The following ASIC2 variants were observed in gnomAD, a reference collection of about 807,000 sequenced individuals.
ASIC2 encodes the protein acid sensing ion channel subunit 2, also known as acid-sensing ion channel 2.
Under a neutral mutation model 57.3 loss-of-function variants are expected in ASIC2, and 25 were observed. That is an observed-to-expected ratio of 0.44 (90% confidence interval 0.32 to 0.61). ASIC2 has a LOEUF of 0.61. ASIC2 is among the 20% of genes least tolerant of loss of function. ASIC2 has a pLI of 0.06. For missense variants in ASIC2, 641 were observed against 738.1 expected (o/e 0.87, Z 1.52); for synonymous variants, 319 against 307.5 (o/e 1.04, Z -0.39).
chr17:33,910,529 T>C (rs1300889402), intron 1 of ASIC2, among the ~76,000 whole-genome samples: 1 of 152,228 alleles, frequency 6.6e-6, no homozygotes, highest in Non-Finnish European at 1.5e-5. Flanking sequence ...TTGGCTCTTC[T>C]TCCTCATCCC....
chr17:33,843,717 G>A (rs1171664925), intron 1 of ASIC2, among the ~76,000 whole-genome samples: 2 of 152,194 alleles, frequency 1.3e-5, no homozygotes, highest in Non-Finnish European at 2.9e-5. Context: ...AGCTTGAAAA[G>A]AGAGTAGTTG....
intron 1 of ASIC2, chr17:34,039,005 T>C (rs1036938789): frequency 1.7e-5 from 27 of 1,614,094 alleles, no homozygotes; most frequent in Non-Finnish European, 2.3e-5. Flanking sequence ...CGGTCTTGCA[T>C]GCTCTTATCT....
intron 1 of ASIC2, among the ~76,000 whole-genome samples, chr17:34,094,369 C>T (rs965263273): frequency 5.9e-5 from 9 of 152,228 alleles, no homozygotes; most frequent in Non-Finnish European, 1.0e-4. Context: ...TGAATCAGAA[C>T]ATCAACTCAG....
At chr17:33,083,035 G>A (rs2092119562) in intron 3 of ASIC2, among the ~76,000 whole-genome samples, 1 of 152,162 alleles carries the variant, frequency 6.6e-6, no homozygotes, top group South Asian at 2.1e-4. Context: ...ATCCATCACA[G>A]CCCAGCTTCA....
chr17:34,084,855 A>G (rs1910040736), intron 1 of ASIC2, among the ~76,000 whole-genome samples: 1 of 152,182 alleles, frequency 6.6e-6, no homozygotes, highest in South Asian at 2.1e-4. Flanking sequence ...TTATTGGTGT[A>G]TAAGAATGCT....
At chr17:33,672,195 C>G (rs980930390) in intron 1 of ASIC2, among the ~76,000 whole-genome samples, 2 of 152,128 alleles carry the variant, frequency 1.3e-5, no homozygotes, top group African/African-American at 4.8e-5. Flanking sequence ...GCCACTGGGA[C>G]AATTACAGAC....
At chr17:33,077,413 G>A (rs956077215) in intron 3 of ASIC2, among the ~76,000 whole-genome samples, 13 of 152,156 alleles carry the variant, frequency 8.5e-5, no homozygotes, top group African/African-American at 3.1e-4. Flanking sequence ...GCTAGCTGCT[G>A]CAGAACCCTT....
chr17:33,052,325 G>A (rs372844563), intron 3 of ASIC2: 1 of 152,182 alleles, frequency 6.6e-6, no homozygotes, highest in African/African-American at 2.4e-5. Context: ...AATTTATCCT[G>A]CTATCCCTTT....
intron 1 of ASIC2, among the ~76,000 whole-genome samples, chr17:34,058,674 A>C (rs933910314): frequency 7.0e-6 from 1 of 142,378 alleles, no homozygotes; most frequent in Non-Finnish European, 1.5e-5. Flanking sequence ...TTCCTCCTAC[A>C]TATTTAGGGA....
intron 1 of ASIC2, among the ~76,000 whole-genome samples, chr17:33,426,310 C>T (rs747995657): frequency 1.2e-4 from 19 of 152,132 alleles, no homozygotes; most frequent in Admixed American, 6.5e-4. Flanking sequence ...GGAACTCATA[C>T]GACCATTTTA....
At chr17:33,922,014 C>A (rs1915718562) in intron 1 of ASIC2, among the ~76,000 whole-genome samples, 1 of 152,182 alleles carries the variant, frequency 6.6e-6, no homozygotes, top group South Asian at 2.1e-4. Context: ...CATTCTCAGG[C>A]ATGCACCCCT....
intron 1 of ASIC2, among the ~76,000 whole-genome samples, chr17:33,186,232 T>A (rs957318632): frequency 2.0e-5 from 3 of 152,132 alleles, no homozygotes; most frequent in Non-Finnish European, 4.4e-5. Flanking sequence ...TGCCTCAGAC[T>A]CTCGAGTAGC....
intron 1 of ASIC2, among the ~76,000 whole-genome samples, chr17:33,148,479 T>A (rs3930348): frequency 1.4e-4 from 22 of 152,120 alleles, no homozygotes; most frequent in African/African-American, 4.8e-4. Flanking sequence ...TATCAATGCA[T>A]CATTTCCAAA....
intron 1 of ASIC2, among the ~76,000 whole-genome samples, chr17:33,362,578 T>C (rs1458966815): frequency 6.6e-6 from 1 of 152,048 alleles, no homozygotes; most frequent in Admixed American, 6.5e-5. Flanking sequence ...AACTGGGGAG[T>C]GTCAGTGCCT....
intron 1 of ASIC2, among the ~76,000 whole-genome samples, chr17:33,536,947 G>A (rs536529325): frequency 2.0e-5 from 3 of 152,130 alleles, no homozygotes; most frequent in Admixed American, 1.3e-4. Context: ...GGGATATTGA[G>A]GCTACAATGA....
intron 1 of ASIC2, among the ~76,000 whole-genome samples, chr17:34,011,629 C>T (rs1597973116): frequency 1.3e-5 from 2 of 152,324 alleles, no homozygotes; most frequent in South Asian, 2.1e-4. Context: ...ATGGCCTCCG[C>T]CTCCACTCCT....
At chr17:33,399,665 C>A (rs1304329270) in intron 1 of ASIC2, among the ~76,000 whole-genome samples, 1 of 152,172 alleles carries the variant, frequency 6.6e-6, no homozygotes, top group Non-Finnish European at 1.5e-5. Flanking sequence ...TTGTGATGCC[C>A]CTTCCCCTTA....
chr17:34,106,814 C>T (rs1483053002), intron 1 of ASIC2, among the ~76,000 whole-genome samples: 1 of 152,102 alleles, frequency 6.6e-6, no homozygotes, highest in Non-Finnish European at 1.5e-5. Flanking sequence ...TCATCTTTTA[C>T]CCCAGTTCCA....
At chr17:33,252,369 A>G (rs770285689) in intron 1 of ASIC2, among the ~76,000 whole-genome samples, 2 of 152,156 alleles carry the variant, frequency 1.3e-5, no homozygotes, top group Non-Finnish European at 2.9e-5. Context: ...CCCTGCTACA[A>G]ACAGCTTTTG....
Sources: gnomAD v4.1 joint callset for allele counts (sites outside exome capture counted in the v4.1 genomes callset) on GRCh38, gnomAD v4.1.1 for gene constraint, MANE v1.5 for transcripts, NCBI Gene and HGNC (gene_info 2026-07-23, HGNC 2026-07-21) for gene names.